Variants in OR13C3 observed in about 807,000 individuals in gnomAD.
OR13C3 encodes olfactory receptor 13C3.
A neutral mutation model predicts 14.4 loss-of-function variants in OR13C3; 19 were observed. That is an observed-to-expected ratio of 1.31 (90% CI 0.92 to 1.93). The LOEUF is 1.93. Ranked by LOEUF, OR13C3 falls within the 30% of genes most tolerant of loss-of-function variation. The pLI, the probability that OR13C3 is intolerant of heterozygous loss-of-function variation, is 0.00. For synonymous variants in OR13C3, 140 were observed against 142.5 expected, an observed-to-expected ratio of 0.98 and a Z score of 0.12; for missense variants, 394 against 381.4, an observed-to-expected ratio of 1.03 and a Z score of -0.27.
exon 1 of OR13C3, chr9:104,536,086 A>G: frequency 6.2e-7 from 1 of 1,614,056 alleles, no homozygotes; most frequent in Non-Finnish European, 8.5e-7. Flanking sequence ...GAAAAAAATG[A>G]CCATCAGTGG....
At chr9:104,536,107 A>G (rs1399312202) in exon 1 of OR13C3, 1 of 1,614,044 alleles carries the variant, frequency 6.2e-7, no homozygotes, top group South Asian at 1.1e-5. Context: ...AAGAACCAGG[A>G]AGGCCATATT....
chr9:104,535,755 C>T (rs768363081), exon 1 of OR13C3: 1 of 1,535,142 alleles, frequency 6.5e-7, no homozygotes, highest in Non-Finnish European at 9.0e-7. Flanking sequence ...CAAAGACCTA[C>T]ATGTCCTGGT....
exon 1 of OR13C3, chr9:104,536,662 G>T: frequency 1.2e-6 from 2 of 1,613,992 alleles, no homozygotes; most frequent in Non-Finnish European, 1.7e-6. Context: ...CTCAATCTTT[G>T]GGTATCCAGA....
chr9:104,535,899 T>C, exon 1 of OR13C3: 1 of 1,614,050 alleles, frequency 6.2e-7, no homozygotes, highest in Admixed American at 1.7e-5. Context: ...GCTTGTCTAA[T>C]GCTTGCAATT....
In OR13C3 at chr9:104,535,844, T is replaced by C. The variant is rs774755392; in HGVS notation, c.880A>G (p.Ile294Val). Residue 294 changes from isoleucine to valine, a missense_variant, in exon 1 of 1, where the codon ATA becomes GTA. Transcript: ENST00000641090. ...TCCTTATTTCTCAAGCTATAGAGTATAGGATTCAGCATGGGTGTCACTACC... is the reference window on the plus strand; with the variant it reads ...TCCTTATTTCTCAAGCTATAGAGTACAGGATTCAGCATGGGTGTCACTACC... The C allele has an allele frequency of 8.1e-6, 13 of 1,613,594 alleles. No individual in the cohort carries two copies. In the Admixed American group the frequency reaches 1.2e-4, roughly 14 times the overall value.
exon 1 of OR13C3, chr9:104,536,786 A>C: frequency 6.2e-7 from 1 of 1,612,994 alleles, no homozygotes; most frequent in Non-Finnish European, 8.5e-7. Context: ...GCCAAGAAAC[A>C]AACAGTACAA....
At chr9:104,536,131 G>T in exon 1 of OR13C3, 3 of 1,613,654 alleles carry the variant, frequency 1.9e-6, no homozygotes, top group African/African-American at 1.3e-5. Flanking sequence ...TATCACCATG[G>T]TGATAATATT....
chr9:104,536,304 C>A, exon 1 of OR13C3: 1 of 1,614,084 alleles, frequency 6.2e-7, no homozygotes, highest in East Asian at 2.2e-5. Context: ...TCAATACATA[C>A]GCCACCTTGC....
rs1828826630 is a variant in OR13C3, at chr9:104,536,804, GA to G, written c.-82del. On this transcript the variant is annotated 5_prime_UTR_variant, in exon 1 of 1. An upstream open reading frame in the 5' UTR loses its in-frame stop. Coordinates refer to ENST00000641090, the Ensembl canonical transcript of OR13C3. ...AAGAAACAAACAGTACAAATTAACT[GA>G]ACAATCATTCTTTTGACACATATTA... 1 of 1,607,638 alleles carries G rather than the reference GA, an allele frequency of 6.2e-7. No homozygotes were observed. Among genetic ancestry groups the G allele is most frequent in the Admixed American group, 1.7e-5 (1 of 59,458 alleles).
chr9:104,536,126 C>A (rs1005984533), exon 1 of OR13C3: 1 of 1,613,642 alleles, frequency 6.2e-7, no homozygotes, highest in Non-Finnish European at 8.5e-7. Context: ...TTTGATATCA[C>A]CATGGTGATA....
Position 104,535,814 on chromosome 9 carries a change from T to A in OR13C3, c.910A>T (p.Lys304Ter). 2 of 1,613,342 alleles carry A rather than the reference T, an allele frequency of 1.2e-6. No individual in the cohort carries two copies. Among genetic ancestry groups the A allele is most frequent in the Non-Finnish European group, 1.7e-6 (2 of 1,179,566 alleles). ...TTCAGCAAATATTTTACAGCAGCTT[T>A]TACATCCTTATTTCTCAAGCTATAG... The change falls in exon 1 of 1, where the codon AAA becomes TAA. Residue 304 changes from lysine (K) to a stop codon, truncating the protein, a stop_gained. Coordinates refer to ENST00000641090, the Ensembl canonical transcript of OR13C3. LOFTEE classifies it high-confidence loss of function.
chr9:104,536,383 A>G (rs1316752692), exon 1 of OR13C3: 1 of 1,614,194 alleles, frequency 6.2e-7, no homozygotes, highest in Non-Finnish European at 8.5e-7. Flanking sequence ...CATGCCAAGA[A>G]GCAGACATTC....
exon 1 of OR13C3, chr9:104,536,619 G>A (rs866015862): frequency 6.2e-7 from 1 of 1,613,984 alleles, no homozygotes; most frequent in Non-Finnish European, 8.5e-7. Context: ...GAATCACTAG[G>A]TACATAACTA....
At position 104,536,704 on chromosome 9, in the gene OR13C3, G is replaced by A. The variant is rs772424124; in HGVS notation, c.20C>T (p.Thr7Ile). The change falls in exon 1 of 1, where the codon ACA (threonine) becomes ATA (isoleucine). Residue 7 changes from threonine to isoleucine, a missense_variant. Coordinates refer to ENST00000641090, the Ensembl canonical transcript of OR13C3. ...CAGAAGAAGAAATTCTGACACAAGT[G>A]TCTGGTTAATCTCACCCATGTCATC... The A allele has an allele frequency of 9.9e-6, 16 of 1,613,764 alleles. No individual in the cohort carries two copies. Among genetic ancestry groups the A allele is most frequent in the African/African-American group, 1.3e-5 (1 of 74,902 alleles).
rs372124086 is a variant in OR13C3 at position 104,536,225 on chromosome 9, G to A, written c.499C>T (p.Pro167Ser). 6.2e-6 allele frequency: 10 copies of A among 1,613,906 alleles called. No homozygotes were observed. The African/African-American group carries it at 1.3e-4, about 22-fold the overall frequency. The stretch of plus-strand genomic sequence containing the variant: ...TTGATAATATTATTCCCACAGAAAG[G>A]CAGTCTCATGGCAAGTAATGTTTGC... Residue 167 changes from proline (P) to serine (S), a missense_variant, in exon 1 of 1, where the codon CCT becomes TCT. Pro to Ser is a moderately conservative substitution (Grantham distance 74, BLOSUM62 -1). Coordinates refer to ENST00000641090, the Ensembl canonical transcript of OR13C3.
exon 1 of OR13C3, chr9:104,535,769 A>G (rs759758016): frequency 6.3e-7 from 1 of 1,588,722 alleles, no homozygotes; most frequent in Admixed American, 1.7e-5. Flanking sequence ...TCCTGGTTTC[A>G]TTAGTGAATT....
At chr9:104,536,549 T>C (rs777544985) in exon 1 of OR13C3, 16 of 1,614,022 alleles carry the variant, frequency 9.9e-6, no homozygotes, top group African/African-American at 5.3e-5. Context: ...AAGAAGTACA[T>C]TGGTGTGTGA....
At chr9:104,536,133 G>A (rs1487011913) in exon 1 of OR13C3, 3 of 1,613,630 alleles carry the variant, frequency 1.9e-6, no homozygotes, top group East Asian at 2.2e-5. Flanking sequence ...TCACCATGGT[G>A]ATAATATTGA....
At chr9:104,536,535 C>T (rs752139205) in exon 1 of OR13C3, 13 of 1,614,024 alleles carry the variant, frequency 8.1e-6, no homozygotes, top group Middle Eastern at 1.6e-4. Context: ...AGAGGTTGCC[C>T]AGGAAGAAGT....
Sources: gnomAD v4.1 joint callset for allele counts on GRCh38, gnomAD v4.1.1 for gene constraint, MANE v1.5 for transcripts, NCBI Gene and HGNC (gene_info 2026-07-23, HGNC 2026-07-21) for gene names.